NPLOC4: variants seen among roughly 807,000 people sequenced by gnomAD.
NPLOC4 encodes nuclear protein localization protein 4 homolog.
A neutral mutation model predicts 80.6 loss-of-function variants in NPLOC4; 18 were observed. The observed-to-expected ratio is 0.22, with a 90% CI of 0.15 to 0.33. The LOEUF (loss-of-function observed/expected upper bound fraction) is 0.33. Ranked by LOEUF, NPLOC4 falls within the 10% of genes least tolerant of loss-of-function variation. The probability of loss-of-function intolerance (pLI) is 1.00; values close to 1 mark genes in which losing one functional copy is unlikely to be tolerated. For missense variants in NPLOC4, 540 were observed against 786.1 expected (o/e 0.69, Z 3.74); for synonymous variants, 313 against 301.5 (o/e 1.04, Z -0.39).
At chr17:81,624,287 G>A (rs571451881) in intron 2 of NPLOC4, among the ~76,000 whole-genome samples, 3 of 152,220 alleles carry the variant, frequency 2.0e-5, no homozygotes, top group African/African-American at 4.8e-5. Flanking sequence ...GCGTGGTGGC[G>A]GACACTTGTT....
At position 81,581,375 on chromosome 17, in the gene NPLOC4, A is replaced by AAAAAAAAAAAAAAAAAGTC. The variant is rs1555680405; in HGVS notation, c.1281+7568_1281+7569insGACTTTTTTTTTTTTTTTT. Among the ~76,000 whole-genome samples, 120 of 72,852 alleles carry AAAAAAAAAAAAAAAAAGTC rather than the reference A, an allele frequency of 1.6e-3. 39 individuals are homozygous for AAAAAAAAAAAAAAAAAGTC. The highest frequency in any genetic ancestry group is 3.1e-3 in the Admixed American group (18 of 5,758). 47.8% of individuals were successfully genotyped at this position (72,852 alleles called of 152,430 possible). A position where few individuals can be genotyped will look rare whatever the true frequency, so the allele number is the denominator to read the frequency against. ...AAAAAAAAAAAAAAAAAAAAAAAAAAAGTTAATAAAATCACCATGTCACAA... is the reference window on the plus strand; with the variant it reads ...AAAAAAAAAAAAAAAAAAAAAAAAAAAAAAAAAAAAAAAAAAGTCAGTTAATAAAATCACCATGTCACAA... On this transcript the variant is annotated intron_variant, in intron 12 of 16. Coordinates refer to ENST00000331134, the MANE Select transcript of NPLOC4 (RefSeq NM_017921.4).
intron 4 of NPLOC4, among the ~76,000 whole-genome samples, chr17:81,611,946 C>A (rs1223152872): frequency 3.2e-5 from 4 of 124,378 alleles, no homozygotes; most frequent in Non-Finnish European, 6.5e-5. Flanking sequence ...GGTGACAGAG[C>A]GAGAGTCCAT....
chr17:81,570,684 A>T (rs1229532165), intron 13 of NPLOC4, among the ~76,000 whole-genome samples: 2 of 152,246 alleles, frequency 1.3e-5, no homozygotes, highest in African/African-American at 4.8e-5. Context: ...AAACCCCAGT[A>T]ACACTGGCTG....
Position 81,589,010 on chromosome 17 carries a change from G to A in NPLOC4, c.1215C>T (p.Asp405=), listed in dbSNP as rs372434085. The stretch of plus-strand genomic sequence containing the variant: ...CCTTGGCGTAGCCAAGCTCCGGGGC[G>A]TCCTTGCATGGCAGCAAACACTCAT... ...VRDECLLPCK[D]APELGYAKES... Residue 405 remains aspartate, a synonymous_variant, in exon 12 of 17, where the codon GAC becomes GAT. Transcript: ENST00000331134. 7.1e-5 allele frequency: 114 copies of A among 1,613,852 alleles called. No individual in the cohort carries two copies. The highest frequency in any genetic ancestry group is 6.3e-5 in the Non-Finnish European group (74 of 1,179,864).
chr17:81,623,670 C>T (rs1212282993), intron 2 of NPLOC4, among the ~76,000 whole-genome samples: 2 of 151,124 alleles, frequency 1.3e-5, no homozygotes, highest in East Asian at 3.9e-4. Context: ...TGGTGGTGGG[C>T]GCCTGCAGTC....
chr17:81,585,170 C>CAAAAAAAAAAAAAAAAAAAAAAAAAAA (rs35473939), intron 12 of NPLOC4, among the ~76,000 whole-genome samples: 2 of 40,884 alleles, frequency 4.9e-5, no homozygotes, highest in African/African-American at 2.6e-4. Context: ...ACTCTGTCGC[C>CAAAAAAAAAAAAAAAAAAAAAAAAAAA]AAAAAAAAAA....
At chr17:81,586,789 T>C (rs2034591923) in intron 12 of NPLOC4, among the ~76,000 whole-genome samples, 1 of 152,196 alleles carries the variant, frequency 6.6e-6, no homozygotes, top group South Asian at 2.1e-4. Context: ...TCTACCAGGC[T>C]CTCAGATGGC....
chr17:81,602,950 CATATATATACACACAT>C (rs2035100484), intron 8 of NPLOC4, among the ~76,000 whole-genome samples: 4 of 146,770 alleles, frequency 2.7e-5, no homozygotes, highest in Admixed American at 2.1e-4. Context: ...TATACACACA[CATATATATACACACAT>C]ATATATACAC....
intron 13 of NPLOC4, among the ~76,000 whole-genome samples, 165 bp downstream of exon 13, chr17:81,571,852 G>T (rs187783096): frequency 4.5e-4 from 68 of 152,234 alleles, no homozygotes; most frequent in African/African-American, 1.5e-3. Context: ...CATGCTCAGT[G>T]ATTCTACAAC....
chr17:81,592,385 C>A (rs976689676), intron 11 of NPLOC4, among the ~76,000 whole-genome samples: 39 of 152,180 alleles, frequency 2.6e-4, no homozygotes, highest in African/African-American at 8.2e-4. Flanking sequence ...ACTCCTCAGT[C>A]GGCCACCACC....
chr17:81,568,380 C>T (rs774529084), intron 14 of NPLOC4, among the ~76,000 whole-genome samples: 3 of 152,230 alleles, frequency 2.0e-5, no homozygotes, highest in Non-Finnish European at 2.9e-5. Context: ...GTCCCCTGGG[C>T]GGATGGGCAC....
At chr17:81,613,240 A>T in intron 4 of NPLOC4, 78 bp downstream of exon 4, 1 of 1,278,064 alleles carries the variant, frequency 7.8e-7, no homozygotes, top group Non-Finnish European at 1.1e-6. Context: ...TTAAAACAAG[A>T]CATGTTATAA....
intron 5 of NPLOC4, among the ~76,000 whole-genome samples, chr17:81,609,678 T>C (rs1414878087): frequency 6.6e-6 from 1 of 152,124 alleles, no homozygotes; most frequent in East Asian, 1.9e-4. Flanking sequence ...CACAAAACGC[T>C]CTAAGTCAAA....
At chr17:81,593,532 A>G (rs562444482) in intron 11 of NPLOC4, among the ~76,000 whole-genome samples, 3 of 152,162 alleles carry the variant, frequency 2.0e-5, no homozygotes, top group African/African-American at 4.8e-5. Context: ...GGCAGCCTAC[A>G]TTAACTATGT....
intron 13 of NPLOC4, among the ~76,000 whole-genome samples, chr17:81,569,703 G>A (rs1198396799): frequency 1.3e-5 from 2 of 152,186 alleles, no homozygotes; most frequent in Non-Finnish European, 2.9e-5. Flanking sequence ...GAGGAACACA[G>A]GGTTCAGCTC....
At position 81,567,183 on chromosome 17, in the gene NPLOC4, A is replaced by T. The variant is rs1598617714; in HGVS notation, c.1566+234T>A. Among the ~76,000 whole-genome samples, 1 of 152,100 alleles carries T rather than the reference A, an allele frequency of 6.6e-6. No individual in the cohort carries two copies. The highest frequency in any genetic ancestry group is 2.4e-5 in the African/African-American group (1 of 41,440). ...CGTACTTCCTCACAGAGGTGCAGAC[A>T]CTCAATGGAAATGCTAAAGGTGAAA... is the stretch of plus-strand genomic sequence containing the variant. On this transcript the variant is annotated intron_variant, in intron 15 of 16. Coordinates refer to ENST00000331134, the MANE Select transcript of NPLOC4 (RefSeq NM_017921.4). This position sits in a 1 kb window ranked among gnomAD's most constrained non-coding sequence, Gnocchi z 4.5.
At position 81,572,183 on chromosome 17, in the gene NPLOC4, AATTT is replaced by A. The variant is rs1015671879; in HGVS notation, c.1282-99_1282-96del. On this transcript the variant is annotated intron_variant, in intron 12 of 16. Transcript: ENST00000331134. The surrounding 1 kb of genome is among the most constrained non-coding windows in gnomAD (Gnocchi z 4.5). The stretch of plus-strand genomic sequence containing the variant: ...TGTCTCACCTTTTATTTAATTAATT[AATTT>A]ATTTATTTATTTATTTTTTGAGACA... 154 of 571,664 alleles carry A rather than the reference AATTT, an allele frequency of 2.7e-4. No homozygotes were observed. Among genetic ancestry groups the A allele is most frequent in the Non-Finnish European group, 3.7e-4 (137 of 365,396 alleles). 35.4% of individuals were successfully genotyped at this position (571,664 alleles called of 1,614,324 possible).
chr17:81,560,246 G>T (rs568379613), intron 16 of NPLOC4, among the ~76,000 whole-genome samples: 3 of 150,528 alleles, frequency 2.0e-5, no homozygotes, highest in Non-Finnish European at 4.4e-5. Context: ...GGCGAAACCC[G>T]GTCTCTACTA....
At chr17:81,628,796 G>A (rs1182186338) in intron 2 of NPLOC4, among the ~76,000 whole-genome samples, 1 of 152,012 alleles carries the variant, frequency 6.6e-6, no homozygotes, top group Non-Finnish European at 1.5e-5. Context: ...AACTGTCATG[G>A]GAATCCTGGA....
Sources: gnomAD v4.1 joint callset for allele counts (sites outside exome capture counted in the v4.1 genomes callset) on GRCh38, gnomAD v4.1.1 for gene constraint, Gnocchi (gnomAD v3.1) non-coding constraint, MANE v1.5 for transcripts, NCBI Gene and HGNC (gene_info 2026-07-23, HGNC 2026-07-21) for gene names.